Variants in GRM7 observed in about 807,000 individuals in gnomAD.
GRM7 encodes the protein glutamate metabotropic receptor 7, also known as metabotropic glutamate receptor 7.
A neutral mutation model predicts 84.5 loss-of-function variants in GRM7; 35 were observed. The observed-to-expected ratio is 0.41, with a 90% CI of 0.32 to 0.55. The LOEUF (loss-of-function observed/expected upper bound fraction) is 0.55, where lower values mean the gene tolerates loss of function less well. Among genes scored for constraint, GRM7 ranks in the 20% least tolerant of loss-of-function variants. The pLI is 0.19. For synonymous variants in GRM7, 487 were observed against 455.1 expected, an observed-to-expected ratio of 1.07 and a Z score of -0.89; for missense variants, 1,003 against 1,194.6, an observed-to-expected ratio of 0.84 and a Z score of 2.36.
chr3:7,735,110 G>C (rs1182769706), intron 9 of GRM7, among the ~76,000 whole-genome samples: 1 of 152,122 alleles, frequency 6.6e-6, no homozygotes, highest in Non-Finnish European at 1.5e-5. Context: ...ATCCCTCCCA[G>C]TTGAAATAGT....
rs531808786 is a variant in GRM7 at position 6,928,095 on chromosome 3, CT to C, written c.519+66200del. 1.3e-3 allele frequency among the ~76,000 whole-genome samples: 187 copies of C among 146,008 alleles called. 1 individual carries two copies. The highest frequency in any genetic ancestry group is 8.5e-3 in the South Asian group (39 of 4,598). ...TATATCCCTTTTATCTGTTTTGCTC[CT>C]TTTTTTTTTTTCTACACTGCTGAGG... On this transcript the variant is annotated intron_variant, in intron 1 of 9. Coordinates refer to ENST00000357716, the MANE Select transcript of GRM7 (RefSeq NM_000844.4). The surrounding 1 kb of genome is among the most constrained non-coding windows in gnomAD (Gnocchi z 4.5).
At chr3:7,315,756 C>T (rs558823741) in intron 4 of GRM7, among the ~76,000 whole-genome samples, 2 of 152,186 alleles carry the variant, frequency 1.3e-5, no homozygotes, top group South Asian at 2.1e-4. Flanking sequence ...TCCTATTTGT[C>T]TTTTTCTTGA....
At chr3:6,879,772 T>G (rs1044055408) in intron 1 of GRM7, among the ~76,000 whole-genome samples, 31 of 152,214 alleles carry the variant, frequency 2.0e-4, no homozygotes, top group African/African-American at 7.2e-4. Context: ...TGAGTTTACC[T>G]GCAATAATAG....
chr3:7,103,854 C>CTTTCTTTCTT lies in GRM7; in HGVS notation c.520-42597_520-42596insTTCTTTCTTT, dbSNP rs1553617474. Among the ~76,000 whole-genome samples, 123 of 123,670 alleles carry CTTTCTTTCTT rather than the reference C, an allele frequency of 9.9e-4. 9 individuals are homozygous for CTTTCTTTCTT. The South Asian group carries it at 0.012, about 12-fold the overall frequency. The allele number at this position is 123,670 out of a possible 152,430, so 81.1% of individuals were successfully genotyped here. On this transcript the variant is annotated intron_variant, in intron 1 of 9. Coordinates refer to ENST00000357716, the MANE Select transcript of GRM7 (RefSeq NM_000844.4). ...TGTCTCTCTCTCCCTCTCTCTCTCT[C>CTTTCTTTCTT]TCTTTCTTTCTTTCTTTCCCATTTC...
intron 8 of GRM7, among the ~76,000 whole-genome samples, chr3:7,655,701 C>T (rs1344665109): frequency 1.3e-5 from 2 of 152,178 alleles, no homozygotes; most frequent in African/African-American, 4.8e-5. Flanking sequence ...AATGTCATGG[C>T]TCCTAGACGC....
chr3:7,367,096 T>G (rs2125112392), intron 4 of GRM7, among the ~76,000 whole-genome samples: 1 of 151,796 alleles, frequency 6.6e-6, no homozygotes, highest in South Asian at 2.1e-4. Context: ...TTAGAGTTGG[T>G]TTGTCAATTT....
At chr3:6,929,829 G>T in intron 1 of GRM7, among the ~76,000 whole-genome samples, 1 of 152,120 alleles carries the variant, frequency 6.6e-6, no homozygotes, top group East Asian at 1.9e-4. Context: ...CTGTCCAGGT[G>T]CTGTCAGAAT....
intron 5 of GRM7, among the ~76,000 whole-genome samples, chr3:7,431,062 G>A (rs954096210): frequency 1.3e-5 from 2 of 152,014 alleles, no homozygotes; most frequent in Non-Finnish European, 2.9e-5. Context: ...TTGTTGCCGT[G>A]CTTGGCTCTG....
chr3:7,266,448 A>C, intron 2 of GRM7, among the ~76,000 whole-genome samples: 1 of 152,166 alleles, frequency 6.6e-6, no homozygotes, highest in East Asian at 1.9e-4. Context: ...GCTTTTTACA[A>C]GGCCACTCAA....
chr3:6,895,004 A>G (rs996649073), intron 1 of GRM7, among the ~76,000 whole-genome samples: 1 of 152,132 alleles, frequency 6.6e-6, no homozygotes, highest in South Asian at 2.1e-4. Context: ...TCTGTTTAAG[A>G]TTGTCTTTAT....
chr3:7,468,118 T>C (rs540277674), intron 7 of GRM7, among the ~76,000 whole-genome samples: 56 of 152,354 alleles, frequency 3.7e-4, no homozygotes, highest in African/African-American at 1.3e-3. Context: ...TATTGTTTCA[T>C]AATTACAACA....
chr3:7,210,738 G>A (rs1696394787), intron 2 of GRM7, among the ~76,000 whole-genome samples: 1 of 151,856 alleles, frequency 6.6e-6, no homozygotes, highest in Non-Finnish European at 1.5e-5. Flanking sequence ...ACACGCTCTG[G>A]GCATGTGATA....
chr3:7,570,161 G>A (rs1273652511), intron 7 of GRM7, among the ~76,000 whole-genome samples: 2 of 152,072 alleles, frequency 1.3e-5, no homozygotes, highest in African/African-American at 4.8e-5. Flanking sequence ...AATGAGATTT[G>A]GGTGGGGATA....
intron 9 of GRM7, among the ~76,000 whole-genome samples, chr3:7,738,654 AAC>A (rs1702582055): frequency 6.6e-6 from 1 of 152,044 alleles, no homozygotes; most frequent in Admixed American, 6.6e-5. Flanking sequence ...TGCTACAGAA[AAC>A]AGTCTTAATT....
intron 7 of GRM7, among the ~76,000 whole-genome samples, chr3:7,529,912 CT>C (rs58585620): frequency 0.3 from 42,669 of 140,002 alleles, 7,465 homozygotes; most frequent in African/African-American, 0.51. Flanking sequence ...AGGACCTTTT[CT>C]TTTTTTTTTT....
intron 9 of GRM7, among the ~76,000 whole-genome samples, chr3:7,729,869 CTTT>C (rs1168461157): frequency 2.0e-4 from 14 of 69,970 alleles, no homozygotes; most frequent in Admixed American, 4.8e-4. Flanking sequence ...CCACCTCCGG[CTTT>C]TTTTTTTTTT....
At chr3:7,568,333 T>C (rs897004828) in intron 7 of GRM7, among the ~76,000 whole-genome samples, 3 of 152,240 alleles carry the variant, frequency 2.0e-5, no homozygotes, top group Admixed American at 6.5e-5. Context: ...AAGAGCTTTA[T>C]TGGATTTACA....
chr3:6,912,163 A>G (rs1285329640), intron 1 of GRM7, among the ~76,000 whole-genome samples: 1 of 152,186 alleles, frequency 6.6e-6, no homozygotes, highest in African/African-American at 2.4e-5. Flanking sequence ...AATTGATATC[A>G]AGTAAAGGAA....
intron 1 of GRM7, among the ~76,000 whole-genome samples, chr3:7,109,185 G>C (rs1692758947): frequency 6.6e-6 from 1 of 151,732 alleles, no homozygotes; most frequent in Admixed American, 6.6e-5. Context: ...TTCATTTTTT[G>C]GTTGATCATT....
Sources: gnomAD v4.1 joint callset for allele counts (sites outside exome capture counted in the v4.1 genomes callset) on GRCh38, gnomAD v4.1.1 for gene constraint, Gnocchi (gnomAD v3.1) non-coding constraint, MANE v1.5 for transcripts, NCBI Gene and HGNC (gene_info 2026-07-23, HGNC 2026-07-21) for gene names.